Variants in EPB41 observed in about 807,000 individuals in gnomAD.
EPB41 encodes protein 4.1.
In EPB41, 65 loss-of-function variants were observed where a neutral mutation model predicts 108.0. That is an observed-to-expected ratio of 0.60 (90% CI 0.49 to 0.74). The LOEUF (loss-of-function observed/expected upper bound fraction) is 0.74, where lower values mean the gene tolerates loss of function less well. Among genes scored for constraint, EPB41 ranks in the 30% least tolerant of loss-of-function variants. The probability of loss-of-function intolerance (pLI) is 0.00; values close to 1 mark genes in which losing one functional copy is unlikely to be tolerated. For missense variants in EPB41, 875 were observed against 1,037.0 expected (o/e 0.84, Z 2.15); for synonymous variants, 336 against 358.9 (o/e 0.94, Z 0.72).
chr1:29,079,655 C>A (rs1399390409), intron 16 of EPB41, among the ~76,000 whole-genome samples: 1 of 152,062 alleles, frequency 6.6e-6, no homozygotes, highest in East Asian at 1.9e-4. Flanking sequence ...AGTTGATCCA[C>A]CTTCCTCAGC....
chr1:29,069,139 T>C lies in EPB41; in HGVS notation c.2184+3981T>C, dbSNP rs778375157. The C allele has an allele frequency of 9.7e-5, 119 of 1,230,636 alleles. No homozygotes were observed. In the Middle Eastern group the frequency reaches 2.8e-3, roughly 29 times the overall value. The allele number at this position is 1,230,636 out of a possible 1,614,324, so 76.2% of individuals were successfully genotyped here. A position where few individuals can be genotyped will look rare whatever the true frequency, so the allele number is the denominator to read the frequency against. On this transcript the variant is annotated intron_variant, in intron 16 of 20. Coordinates refer to ENST00000343067, the MANE Select transcript of EPB41 (RefSeq NM_001376013.1). ...TCATCATAATTTTGCATCCTTTCTT[T>C]TCCTTTTTTTCTTTTTTGCTGACCA...
At chr1:29,012,031 G>C in intron 5 of EPB41, 124 bp downstream of exon 5, 1 of 1,000,754 alleles carries the variant, frequency 1.0e-6, no homozygotes, top group Non-Finnish European at 1.5e-6. Flanking sequence ...CTTTGAAATC[G>C]AGATAAAGCC....
intron 16 of EPB41, among the ~76,000 whole-genome samples, chr1:29,076,213 A>G (rs564781393): frequency 6.6e-6 from 1 of 152,288 alleles, no homozygotes; most frequent in East Asian, 1.9e-4. Context: ...TCCTCCTAGC[A>G]TGTCATCCTC....
At chr1:29,057,666 T>C (rs1645786313) in intron 12 of EPB41, among the ~76,000 whole-genome samples, 1 of 152,196 alleles carries the variant, frequency 6.6e-6, no homozygotes, top group Admixed American at 6.5e-5. Context: ...AATAATCAAT[T>C]TTTTAATTTA....
intron 7 of EPB41, among the ~76,000 whole-genome samples, chr1:29,022,452 G>T (rs2096658730): frequency 6.6e-6 from 1 of 151,856 alleles, no homozygotes. Context: ...GCCAGGCGCA[G>T]TGGCTCATGC....
intron 1 of EPB41, among the ~76,000 whole-genome samples, chr1:28,960,178 T>G (rs961664581): frequency 1.3e-5 from 2 of 151,742 alleles, no homozygotes; most frequent in Non-Finnish European, 2.9e-5. Context: ...ATTTTTTAAA[T>G]TTTTATTTTT....
At chr1:28,984,842 A>G (rs2095838542) in intron 1 of EPB41, among the ~76,000 whole-genome samples, 1 of 152,054 alleles carries the variant, frequency 6.6e-6, no homozygotes. Flanking sequence ...AATTTTTTAT[A>G]AATACGATGT....
At chr1:29,110,048 T>A (rs1331547039) in intron 18 of EPB41, among the ~76,000 whole-genome samples, 1 of 143,304 alleles carries the variant, frequency 7.0e-6, no homozygotes, top group Non-Finnish European at 1.5e-5. Flanking sequence ...AAAGTTAACT[T>A]AAGGGGCCAG....
At chr1:29,112,050 A>G (rs895146190) in intron 18 of EPB41, among the ~76,000 whole-genome samples, 3 of 152,182 alleles carry the variant, frequency 2.0e-5, no homozygotes, top group Non-Finnish European at 4.4e-5. Flanking sequence ...TAGAAGTAGC[A>G]GGTCTGGTTG....
At chr1:28,890,913 G>C in intron 1 of EPB41, 1 of 985,466 alleles carries the variant, frequency 1.0e-6, no homozygotes, top group Non-Finnish European at 1.2e-6. Context: ...CTGTGGAACT[G>C]TTTGACCCCT....
chr1:28,955,336 G>A (rs1241629262), intron 1 of EPB41, among the ~76,000 whole-genome samples: 3 of 148,942 alleles, frequency 2.0e-5, no homozygotes, highest in South Asian at 4.4e-4. Flanking sequence ...CTGATGATCT[G>A]TTTTTCTTTA....
At chr1:29,039,487 T>G (rs1640685448) in intron 11 of EPB41, 61 bp downstream of exon 11, 1 of 1,597,960 alleles carries the variant, frequency 6.3e-7, no homozygotes, top group Non-Finnish European at 8.6e-7. Flanking sequence ...ATAAAGGAAG[T>G]GCAATTATCT....
rs758922391 is a variant in EPB41, at chr1:28,970,220, A to G, written c.-7-17211A>G. On this transcript the variant is annotated intron_variant, in intron 1 of 20. Coordinates refer to ENST00000343067, the MANE Select transcript of EPB41 (RefSeq NM_001376013.1). The stretch of plus-strand genomic sequence containing the variant: ...AGAGACAACTGCTGCATCTATTCCA[A>G]TTTCCAGAGTATCTGCTAAAACAAT... Among the ~76,000 whole-genome samples, 32 of 152,184 alleles carry G rather than the reference A, an allele frequency of 2.1e-4. 1 individual carries two copies. The highest frequency in any genetic ancestry group is 7.2e-4 in the Admixed American group (11 of 15,274).
In EPB41 at chr1:28,887,319, A is replaced by G. The variant is rs1336240407; in HGVS notation, c.-8+109A>G. 3 of 1,199,508 alleles carry G rather than the reference A, an allele frequency of 2.5e-6. No homozygotes were observed. The highest frequency in any genetic ancestry group is 3.5e-5 in the Admixed American group (1 of 28,558). 74.3% of individuals were successfully genotyped at this position (1,199,508 alleles called of 1,614,324 possible). On this transcript the variant is annotated intron_variant, in intron 1 of 16. Transcript: ENST00000347529. The surrounding 1 kb of genome is among the most constrained non-coding windows in gnomAD (Gnocchi z 4.9). ...GGACCGTCCCGGGAGAGGCGAGACC[A>G]GGGTCGAAGGGTCCAGGGCTGAGGG...
At chr1:29,101,711 G>A (rs1345874930) in intron 17 of EPB41, among the ~76,000 whole-genome samples, 2 of 151,884 alleles carry the variant, frequency 1.3e-5, no homozygotes, top group African/African-American at 2.4e-5. Flanking sequence ...GAGAGGTTGC[G>A]TAAAGTTTAT....
rs1295246841 is a variant in EPB41, at chr1:29,118,611, C to A, written c.*1799C>A. On this transcript the variant is annotated 3_prime_UTR_variant, in exon 21 of 21. Transcript: ENST00000343067. Reference sequence around the variant, plus strand: ...CCAACACCGTCCAAAGTCTCCACTGCCTGAGTTTTGTTTCGGCTGGTTTGA... The same window carrying A: ...CCAACACCGTCCAAAGTCTCCACTGACTGAGTTTTGTTTCGGCTGGTTTGA... 6.6e-6 allele frequency: 1 copy of A among 152,258 alleles called. No individual in the cohort carries two copies. Among genetic ancestry groups the A allele is most frequent in the African/African-American group, 2.4e-5 (1 of 41,450 alleles). The allele number at this position is 152,258 out of a possible 1,614,324, so 9.4% of individuals were successfully genotyped here. A position where few individuals can be genotyped will look rare whatever the true frequency, so the allele number is the denominator to read the frequency against.
intron 7 of EPB41, among the ~76,000 whole-genome samples, chr1:29,028,428 C>G (rs114430412): frequency 6.6e-6 from 1 of 152,180 alleles, no homozygotes; most frequent in Non-Finnish European, 1.5e-5. Context: ...GTTTTACAAC[C>G]ATCATCTCAT....
intron 16 of EPB41, chr1:29,096,377 A>G: frequency 1.0e-6 from 1 of 985,940 alleles, no homozygotes; most frequent in Non-Finnish European, 1.2e-6. Context: ...TCTTGATATT[A>G]AGGAGATGCC....
At chr1:28,955,137 T>C (rs1310254430) in intron 1 of EPB41, among the ~76,000 whole-genome samples, 2 of 152,340 alleles carry the variant, frequency 1.3e-5, no homozygotes, top group South Asian at 2.1e-4. Flanking sequence ...TTGACTATTA[T>C]TGTTACTAGC....
Sources: gnomAD v4.1 joint callset for allele counts (sites outside exome capture counted in the v4.1 genomes callset) on GRCh38, gnomAD v4.1.1 for gene constraint, Gnocchi (gnomAD v3.1) non-coding constraint, MANE v1.5 for transcripts, NCBI Gene and HGNC (gene_info 2026-07-23, HGNC 2026-07-21) for gene names.